The following GALNT17 variants were observed in gnomAD, a reference collection of about 807,000 sequenced individuals.
GALNT17 encodes UDP-GalNAc:polypeptide N-acetylgalactosaminyltransferase-like 3.
A neutral mutation model predicts 63.7 loss-of-function variants in GALNT17; 29 were observed. The observed-to-expected ratio is 0.46, with a 90% CI of 0.34 to 0.62. GALNT17 has a LOEUF of 0.62. Ranked by LOEUF, GALNT17 falls within the 20% of genes least tolerant of loss-of-function variation. The pLI is 0.01. For synonymous variants in GALNT17, 305 were observed against 318.3 expected (o/e 0.96, Z 0.45); for missense variants, 603 against 799.6 (o/e 0.75, Z 2.97).
chr7:71,556,720 C>T (rs945824182), intron 5 of GALNT17, among the ~76,000 whole-genome samples: 24 of 151,766 alleles, frequency 1.6e-4, no homozygotes, highest in Non-Finnish European at 7.4e-5. Flanking sequence ...CCACCACACC[C>T]AGCTATTTTG....
chr7:71,296,870 G>A (rs907089598), intron 1 of GALNT17, among the ~76,000 whole-genome samples: 31 of 151,894 alleles, frequency 2.0e-4, no homozygotes, highest in African/African-American at 6.5e-4. Context: ...TAATTTTTTC[G>A]CTGCTGTGTC....
chr7:71,303,686 G>A (rs1307458756), intron 1 of GALNT17, among the ~76,000 whole-genome samples: 2 of 152,106 alleles, frequency 1.3e-5, no homozygotes, highest in African/African-American at 2.4e-5. Context: ...TGGTCTGGGA[G>A]AATTACTGCC....
At chr7:71,565,906 T>C (rs1789335881) in intron 5 of GALNT17, among the ~76,000 whole-genome samples, 1 of 149,260 alleles carries the variant, frequency 6.7e-6, no homozygotes. Flanking sequence ...TGCAGTGGTG[T>C]GATCTCGGCT....
At chr7:71,141,741 A>G (rs1411201175) in intron 1 of GALNT17, among the ~76,000 whole-genome samples, 1 of 147,294 alleles carries the variant, frequency 6.8e-6, no homozygotes, top group Non-Finnish European at 1.5e-5. Flanking sequence ...CAGTGGCATG[A>G]TCTCGGCTCA....
intron 1 of GALNT17, among the ~76,000 whole-genome samples, chr7:71,285,896 T>C (rs528105986): frequency 6.6e-6 from 1 of 152,296 alleles, no homozygotes; most frequent in Non-Finnish European, 1.5e-5. Flanking sequence ...ATTGAGGACA[T>C]TATGAAGTAT....
At chr7:71,506,177 A>G (rs1482469566) in intron 5 of GALNT17, among the ~76,000 whole-genome samples, 1 of 152,266 alleles carries the variant, frequency 6.6e-6, no homozygotes, top group Admixed American at 6.5e-5. Context: ...TTATGTATCC[A>G]TAAAAAATAA....
chr7:71,467,962 C>G (rs1018318069), intron 5 of GALNT17, among the ~76,000 whole-genome samples: 1 of 151,860 alleles, frequency 6.6e-6, no homozygotes, highest in African/African-American at 2.4e-5. Flanking sequence ...AGGCCTTGCA[C>G]CTGGATTTTA....
chr7:71,410,471 C>A (rs1793410481), intron 3 of GALNT17, among the ~76,000 whole-genome samples: 1 of 152,174 alleles, frequency 6.6e-6, no homozygotes, highest in Non-Finnish European at 1.5e-5. Context: ...GTCTTGAACT[C>A]CTGACCTCAG....
intron 3 of GALNT17, among the ~76,000 whole-genome samples, chr7:71,404,077 A>G (rs532609560): frequency 1.3e-5 from 2 of 152,252 alleles, no homozygotes; most frequent in Admixed American, 1.3e-4. Flanking sequence ...AATTGGGGAG[A>G]CAACTTGGAG....
chr7:71,258,042 A>G (rs144017123), intron 1 of GALNT17, among the ~76,000 whole-genome samples: 1 of 152,170 alleles, frequency 6.6e-6, no homozygotes, highest in Non-Finnish European at 1.5e-5. Flanking sequence ...TGCTAATACC[A>G]ATGAATTGAG....
chr7:71,477,071 T>G (rs1401267154), intron 5 of GALNT17, among the ~76,000 whole-genome samples: 1 of 152,160 alleles, frequency 6.6e-6, no homozygotes, highest in Non-Finnish European at 1.5e-5. Context: ...ATATATAAAG[T>G]AACTATTCAT....
At chr7:71,136,809 CAG>C (rs909954356) in intron 1 of GALNT17, among the ~76,000 whole-genome samples, 9 of 145,974 alleles carry the variant, frequency 6.2e-5, no homozygotes, top group Admixed American at 4.1e-4. Context: ...TTTTTTGAGT[CAG>C]AGTCTCACTC....
intron 6 of GALNT17, among the ~76,000 whole-genome samples, chr7:71,615,190 G>T (rs935819778): frequency 1.2e-4 from 18 of 152,170 alleles, no homozygotes; most frequent in Non-Finnish European, 1.9e-4. Flanking sequence ...AGGCCCCATT[G>T]CCAGTGCCTA....
chr7:71,628,580 C>T (rs1389992922), intron 6 of GALNT17, among the ~76,000 whole-genome samples: 1 of 152,158 alleles, frequency 6.6e-6, no homozygotes, highest in Non-Finnish European at 1.5e-5. Context: ...ACCTTGGCCT[C>T]CGAAAGTGCT....
chr7:71,656,175 G>A (rs1293595200), intron 6 of GALNT17, among the ~76,000 whole-genome samples: 2 of 152,168 alleles, frequency 1.3e-5, no homozygotes. Context: ...CCTCATTGAG[G>A]TAACAGCCTA....
chr7:71,146,293 G>A (rs558661972), intron 1 of GALNT17, among the ~76,000 whole-genome samples: 40 of 152,250 alleles, frequency 2.6e-4, no homozygotes, highest in Admixed American at 1.0e-3. Context: ...AACTGAGTCC[G>A]CTGGGATATG....
At chr7:71,228,853 A>C (rs368410029) in intron 1 of GALNT17, among the ~76,000 whole-genome samples, 1 of 152,260 alleles carries the variant, frequency 6.6e-6, no homozygotes, top group East Asian at 1.9e-4. Context: ...ATTACCATTC[A>C]TGGGTTCCAG....
At chr7:71,651,814 T>C (rs1298063217) in intron 6 of GALNT17, among the ~76,000 whole-genome samples, 2 of 152,150 alleles carry the variant, frequency 1.3e-5, no homozygotes. Context: ...GGGGTTCAAG[T>C]GATCCTCCTA....
At chr7:71,605,438 T>C (rs1240645597) in intron 6 of GALNT17, among the ~76,000 whole-genome samples, 2 of 151,784 alleles carry the variant, frequency 1.3e-5, no homozygotes, top group African/African-American at 2.4e-5. Context: ...ATACAAAAAT[T>C]AGCTGGGCGT....
Sources: gnomAD v4.1 joint callset for allele counts (sites outside exome capture counted in the v4.1 genomes callset) on GRCh38, gnomAD v4.1.1 for gene constraint, MANE v1.5 for transcripts, NCBI Gene and HGNC (gene_info 2026-07-23, HGNC 2026-07-21) for gene names.